The following SGCD variants were observed in gnomAD, a reference collection of about 807,000 sequenced individuals.
SGCD encodes sarcoglycan delta, also known as delta-sarcoglycan.
SGCD carries 18 observed loss-of-function variants against 36.6 expected under a neutral mutation model. The observed-to-expected ratio is 0.49, with a 90% confidence interval of 0.34 to 0.73. The LOEUF (loss-of-function observed/expected upper bound fraction) is 0.73. Among genes scored for constraint, SGCD ranks in the 30% least tolerant of loss-of-function variants. The pLI is 0.01. For missense variants in SGCD, 387 were observed against 346.7 expected (o/e 1.12, Z -0.92); for synonymous variants, 133 against 130.6 (o/e 1.02, Z -0.12).
upstream of SGCD, among the ~76,000 whole-genome samples, chr5:155,869,915 C>T (rs1353586953): frequency 6.6e-6 from 1 of 152,130 alleles, no homozygotes; most frequent in Non-Finnish European, 1.5e-5. Flanking sequence ...AGGAGAATCG[C>T]TTGAACCCGG....
chr5:155,798,936 G>A, the SGCD span, among the ~76,000 whole-genome samples: 5 of 152,172 alleles, frequency 3.3e-5, no homozygotes, highest in Non-Finnish European at 5.9e-5. Flanking sequence ...CTTTATGCAA[G>A]TGTTTAAATA....
In SGCD at chr5:156,542,612, A is replaced by G. The variant is rs551649992; in HGVS notation, c.294+33910A>G. On this transcript the variant is annotated intron_variant, in intron 4 of 8. Transcript: ENST00000337851. ...CTAGTAACTCAGTGAAGTAGGTACT[A>G]CTATTATTCCTATATTATAGGTAAG... Among the ~76,000 whole-genome samples the G allele has an allele frequency of 2.0e-5, 3 of 152,314 alleles. No homozygotes were observed. In the South Asian group the frequency reaches 6.2e-4, roughly 32 times the overall value.
chr5:156,000,959 C>T (rs1758652359), intron 1 of SGCD, among the ~76,000 whole-genome samples: 1 of 152,104 alleles, frequency 6.6e-6, no homozygotes, highest in Non-Finnish European at 1.5e-5. Flanking sequence ...AGGATGAGGC[C>T]TAGGAATCCA....
intron 6 of SGCD, among the ~76,000 whole-genome samples, chr5:156,622,067 C>T (rs1054047848): frequency 4.6e-5 from 7 of 152,104 alleles, no homozygotes; most frequent in Admixed American, 1.3e-4. Flanking sequence ...AGATAAAATT[C>T]ACATACACAA....
At chr5:155,910,030 T>TA (rs1326620615) in intron 1 of SGCD, among the ~76,000 whole-genome samples, 1 of 151,984 alleles carries the variant, frequency 6.6e-6, no homozygotes, top group Admixed American at 6.6e-5. Context: ...TAATGGAAAA[T>TA]ACTCAACTAT....
At chr5:156,318,667 C>A (rs1046385745) in intron 3 of SGCD, among the ~76,000 whole-genome samples, 2 of 150,046 alleles carry the variant, frequency 1.3e-5, no homozygotes, top group Admixed American at 1.3e-4. Flanking sequence ...GTGATCTTGG[C>A]TCACTGCAAC....
chr5:156,176,900 A>T (rs529595583), intron 3 of SGCD, among the ~76,000 whole-genome samples: 1 of 152,366 alleles, frequency 6.6e-6, no homozygotes, highest in Admixed American at 6.5e-5. Flanking sequence ...TTTAAAAGAC[A>T]TAGGGACCCC....
In SGCD at chr5:156,762,214, G is replaced by T. The variant is rs889776876; in HGVS notation, c.*2824G>T. Reference sequence around the variant, plus strand: ...ATTTTCTAGACAATCGCACCTTTGGGTATATTAAACAGCTGGTATCATAAC... The same window carrying T: ...ATTTTCTAGACAATCGCACCTTTGGTTATATTAAACAGCTGGTATCATAAC... On this transcript the variant is annotated 3_prime_UTR_variant, in exon 9 of 9. Coordinates refer to ENST00000337851, the MANE Select transcript of SGCD (RefSeq NM_000337.6). 6.6e-6 allele frequency: 1 copy of T among 152,348 alleles called. No homozygotes were observed. Among genetic ancestry groups the T allele is most frequent in the African/African-American group, 2.4e-5 (1 of 41,344 alleles). 9.4% of individuals were successfully genotyped at this position (152,348 alleles called of 1,614,324 possible).
intron 3 of SGCD, among the ~76,000 whole-genome samples, chr5:156,241,420 C>T (rs2127656258): frequency 6.6e-6 from 1 of 152,266 alleles, no homozygotes; most frequent in South Asian, 2.1e-4. Flanking sequence ...AGTTAGATCA[C>T]AAATTTCTCT....
intron 1 of SGCD, among the ~76,000 whole-genome samples, chr5:156,015,133 T>G (rs1758941635): frequency 6.6e-6 from 1 of 152,216 alleles, no homozygotes; most frequent in Non-Finnish European, 1.5e-5. Context: ...TTCACTTGGT[T>G]GCAAAATGGT....
chr5:155,914,730 A>C (rs1053363456), intron 1 of SGCD, among the ~76,000 whole-genome samples: 3 of 152,288 alleles, frequency 2.0e-5, no homozygotes, highest in South Asian at 2.1e-4. Context: ...AATTCCTTTT[A>C]TTGGAGGGAA....
At chr5:156,605,375 T>A (rs528366191) in intron 6 of SGCD, among the ~76,000 whole-genome samples, 1 of 152,340 alleles carries the variant, frequency 6.6e-6, no homozygotes, top group South Asian at 2.1e-4. Context: ...ACAAAGGACA[T>A]GAACTCATCA....
chr5:156,757,263 CAAAAAAAAAAAAAAA>C (rs34767809), intron 7 of SGCD, among the ~76,000 whole-genome samples: 2 of 69,394 alleles, frequency 2.9e-5, no homozygotes, highest in South Asian at 1.5e-3. Flanking sequence ...CTTACTTTTA[CAAAAAAAAAAAAAAA>C]AAAAAAAAAA....
chr5:156,074,353 C>A (rs981053077), intron 1 of SGCD, among the ~76,000 whole-genome samples: 5 of 151,892 alleles, frequency 3.3e-5, no homozygotes, highest in Non-Finnish European at 7.4e-5. Flanking sequence ...GCCATAATCC[C>A]AACTGTTGAA....
intron 7 of SGCD, among the ~76,000 whole-genome samples, chr5:156,656,113 A>G (rs1763664187): frequency 6.6e-6 from 1 of 152,146 alleles, no homozygotes; most frequent in African/African-American, 2.4e-5. Context: ...GCTTGGAGGG[A>G]ACCATGAAAT....
chr5:156,609,892 C>T (rs1231902804), intron 6 of SGCD, among the ~76,000 whole-genome samples: 3 of 152,168 alleles, frequency 2.0e-5, no homozygotes, highest in Admixed American at 1.3e-4. Flanking sequence ...GTTTTCAGCT[C>T]CATCAGGTCC....
intron 3 of SGCD, among the ~76,000 whole-genome samples, chr5:156,318,249 A>G (rs116832105): frequency 2.6e-3 from 390 of 152,384 alleles, no homozygotes; most frequent in Non-Finnish European, 4.7e-3. Context: ...AGATCTATGC[A>G]ACAAGAAGGA....
At chr5:156,669,551 C>T (rs1392725875) in intron 7 of SGCD, among the ~76,000 whole-genome samples, 2 of 152,066 alleles carry the variant, frequency 1.3e-5, no homozygotes, top group Non-Finnish European at 2.9e-5. Context: ...CAGGTAAGCA[C>T]AATAAGGAAA....
At chr5:156,231,476 C>T (rs951464869) in intron 3 of SGCD, among the ~76,000 whole-genome samples, 1 of 152,146 alleles carries the variant, frequency 6.6e-6, no homozygotes, top group African/African-American at 2.4e-5. Flanking sequence ...GCGGAGGTTG[C>T]AGTGAGCTGA....
Sources: allele counts gnomAD v4.1 joint callset (sites outside exome capture counted in the v4.1 genomes callset), GRCh38; gene constraint gnomAD v4.1.1; transcripts MANE v1.5; gene names NCBI Gene and HGNC (gene_info 2026-07-23, HGNC 2026-07-21).